LAMA3: variants seen among roughly 807,000 people sequenced by gnomAD.
LAMA3 encodes laminin subunit alpha 3, also known as laminin subunit alpha-3.
In LAMA3, 281 loss-of-function variants were observed where a neutral mutation model predicts 402.0. That is an observed-to-expected ratio of 0.70 (90% confidence interval 0.63 to 0.77). LAMA3 has a LOEUF of 0.77. Ranked by LOEUF, LAMA3 falls within the 30% of genes least tolerant of loss-of-function variation. The probability of loss-of-function intolerance (pLI) is 0.00; values close to 1 mark genes in which losing one functional copy is unlikely to be tolerated. For missense variants in LAMA3, 3,840 were observed against 4,215.5 expected (o/e 0.91, Z 2.47); for synonymous variants, 1,431 against 1,558.4 (o/e 0.92, Z 1.93).
rs140590091 is a variant in LAMA3 at position 23,689,881 on chromosome 18, C to T, written c.198C>T (p.Cys66=). 6.5e-7 allele frequency: 1 copy of T among 1,543,510 alleles called. No individual in the cohort carries two copies. The highest frequency in any genetic ancestry group is 1.4e-5 in the African/African-American group (1 of 71,698). ...EAARIWATAT[C]GERGPGEGRP... ...CGAGGATTTGGGCCACCGCCACCTG[C>T]GGGGAGAGGGGACCCGGCGAGGGGA... The change falls in exon 1 of 75, where the codon TGC becomes TGT. Residue 66 remains cysteine, a synonymous_variant. Coordinates refer to ENST00000313654, the MANE Select transcript of LAMA3 (RefSeq NM_198129.4).
In LAMA3 at chr18:23,921,028, G is replaced by A. The variant is rs202110840; in HGVS notation, c.8017G>A (p.Ala2673Thr). Residue 2673 changes from alanine (A) to threonine (T), a missense_variant, in exon 61 of 75, where the codon GCC becomes ACC. Coordinates refer to ENST00000313654, the MANE Select transcript of LAMA3 (RefSeq NM_198129.4). ...ACCAAAAGAGAGAGGAGTTGGAGAC[G>A]CCATAAACAACGGCAGAGACCATTC... The part of the protein sequence containing the change: ...ELPKERGVGD[A>T]INNGRDHSIQ... 3.7e-5 allele frequency: 59 copies of A among 1,613,996 alleles called. No individual in the cohort carries two copies. The highest frequency in any genetic ancestry group is 3.0e-4 in the Admixed American group (18 of 60,024).
At chr18:23,842,810 GTGTC>G (rs1157440630) in intron 29 of LAMA3, 60 bp downstream of exon 29, 19 of 1,603,448 alleles carry the variant, frequency 1.2e-5, no homozygotes, top group Admixed American at 1.7e-5. Flanking sequence ...GCCATTCTGG[GTGTC>G]TGTTTAGCTC....
rs773896979 is a variant in LAMA3, at chr18:23,753,830, AT to A, written c.947+25del. ...GAAAAACTGTAAGTACACTGTACAG[AT>A]TTTTTTCAGCCTTACTATGATTAAG... On this transcript the variant is annotated intron_variant, in intron 6 of 74. Coordinates refer to ENST00000313654, the MANE Select transcript of LAMA3 (RefSeq NM_198129.4). 5.2e-6 allele frequency: 8 copies of A among 1,544,254 alleles called. No homozygotes were observed. Among genetic ancestry groups the A allele is most frequent in the Admixed American group, 3.3e-5 (2 of 59,912 alleles).
intron 69 of LAMA3, 49 bp downstream of exon 69, chr18:23,944,020 G>A (rs1187796586): frequency 6.4e-7 from 1 of 1,570,240 alleles, no homozygotes; most frequent in Non-Finnish European, 8.7e-7. Flanking sequence ...GGAATTCACT[G>A]TTGGAGTCGC....
chr18:23,725,320 A>C (rs1031764491), intron 2 of LAMA3, among the ~76,000 whole-genome samples: 2 of 152,180 alleles, frequency 1.3e-5, no homozygotes, highest in South Asian at 4.1e-4. Flanking sequence ...CGTGTTGGTC[A>C]GGCTGGTCTT....
chr18:23,775,744 T>C, intron 9 of LAMA3, 48 bp from the exon 10 acceptor site: 2 of 1,611,486 alleles, frequency 1.2e-6, no homozygotes, highest in Non-Finnish European at 1.7e-6. Flanking sequence ...ATTTGCTTTG[T>C]TAAGTGCAGT....
Position 23,837,081 on chromosome 18 carries a change from T to A in LAMA3, c.3085T>A (p.Phe1029Ile). The A allele has an allele frequency of 6.2e-7, 1 of 1,604,176 alleles. No homozygotes were observed. The highest frequency in any genetic ancestry group is 8.5e-7 in the Non-Finnish European group (1 of 1,171,078). Residue 1029 changes from phenylalanine (F) to isoleucine (I), a missense_variant, in exon 25 of 75, where the codon TTC becomes ATC. Physicochemically the swap from Phe to Ile is conservative, Grantham distance 21. Around this residue, in one of 3 missense-constraint regions of LAMA3, gnomAD observed 2,109 missense variants for 2,376.0 expected, o/e 0.89. Transcript: ENST00000313654. ...DIQLKGHMAR[F>I]LLHQVCIIPI... ...TCAGCTCAAGGGACACATGGCCCGA[T>A]TCCTTCTGGTATGCTTCTGTTTTGC... is the stretch of plus-strand genomic sequence containing the variant.
Position 23,891,446 on chromosome 18 carries a change from T to C in LAMA3, c.5410+1329T>C, listed in dbSNP as rs1415951055. On this transcript the variant is annotated intron_variant, in intron 42 of 74. Transcript: ENST00000313654. ...AGATAAGTGGGTATCAGAGTAAAGT[T>C]TTTTCCGGCATCTGCTGGTCTCCAA... Among the ~76,000 whole-genome samples the C allele has an allele frequency of 2.6e-5, 4 of 152,290 alleles. No individual in the cohort carries two copies. The East Asian group carries it at 7.7e-4, about 29-fold the overall frequency.
In LAMA3 at chr18:23,903,083, G is replaced by A. The variant is rs1599048277; in HGVS notation, c.6276G>A (p.Leu2092=). ...TAACCACTGCAGACTCATCTTTGTTGCAAACCAACATTGCGCTGCAGCTGA... is the reference window on the plus strand; with the variant it reads ...TAACCACTGCAGACTCATCTTTGTTACAAACCAACATTGCGCTGCAGCTGA... ...KYLTTADSSL[L]QTNIALQLME... The change falls in exon 49 of 75, where the codon TTG becomes TTA. Residue 2092 remains leucine, a synonymous_variant. Transcript: ENST00000313654. 1 of 1,612,882 alleles carries A rather than the reference G, an allele frequency of 6.2e-7. No individual in the cohort carries two copies. Among genetic ancestry groups the A allele is most frequent in the Non-Finnish European group, 8.5e-7 (1 of 1,179,052 alleles).
At chr18:23,822,122 T>G in intron 19 of LAMA3, 130 bp from the exon 20 acceptor site, 1 of 897,018 alleles carries the variant, frequency 1.1e-6, no homozygotes. Flanking sequence ...TGAGTGTGAG[T>G]GTGTATGTGT....
At chr18:23,748,298 G>A (rs932987223) in intron 3 of LAMA3, among the ~76,000 whole-genome samples, 2 of 151,298 alleles carry the variant, frequency 1.3e-5, no homozygotes, top group Admixed American at 6.6e-5. Context: ...GCACATGCCT[G>A]TTATCCCAGC....
chr18:23,860,693 A>ATT (rs11395191), intron 34 of LAMA3, among the ~76,000 whole-genome samples: 5,364 of 136,668 alleles, frequency 0.039, 220 homozygotes, highest in African/African-American at 0.096. Flanking sequence ...TCAAAAAAAG[A>ATT]TTTTTTTTTT....
chr18:23,726,461 G>A (rs1256369822), intron 2 of LAMA3, among the ~76,000 whole-genome samples: 2 of 152,174 alleles, frequency 1.3e-5, no homozygotes, highest in Admixed American at 1.3e-4. Context: ...GCACTGCCAG[G>A]ATTGGGTGTC....
chr18:23,699,873 T>C (rs1177483557), intron 1 of LAMA3, among the ~76,000 whole-genome samples: 3 of 152,082 alleles, frequency 2.0e-5, no homozygotes, highest in Non-Finnish European at 4.4e-5. Context: ...GTTAGGGGAA[T>C]AGATTGATAA....
chr18:23,898,651 GA>G (rs760024438), intron 44 of LAMA3, 86 bp from the exon 45 acceptor site: 54 of 816,816 alleles, frequency 6.6e-5, no homozygotes, highest in Non-Finnish European at 1.1e-4. Context: ...CTTGCCAAAT[GA>G]TTCTTCATTT....
At chr18:23,876,515 T>C (rs2064720259) in intron 39 of LAMA3, 108 bp downstream of exon 39, 2 of 724,988 alleles carry the variant, frequency 2.8e-6, no homozygotes, top group Non-Finnish European at 2.5e-6. Context: ...AAACCCTAAA[T>C]AGAGGTCGCT....
chr18:23,947,807 A>G (rs1174323227), intron 70 of LAMA3, among the ~76,000 whole-genome samples: 1 of 131,150 alleles, frequency 7.6e-6, no homozygotes, highest in East Asian at 2.1e-4. Flanking sequence ...CTCTGTTCCT[A>G]TTTTCTTTTT....
In LAMA3 at chr18:23,689,975, C is replaced by A. The variant is rs1290726127; in HGVS notation, c.292C>A (p.Gln98Lys). 1.4e-6 allele frequency: 2 copies of A among 1,472,762 alleles called. No individual in the cohort carries two copies. Among genetic ancestry groups the A allele is most frequent in the East Asian group, 2.9e-5 (1 of 35,058 alleles). 91.2% of individuals were successfully genotyped at this position (1,472,762 alleles called of 1,614,324 possible). The change falls in exon 1 of 75, where the codon CAG (glutamine) becomes AAG (lysine). Residue 98 changes from glutamine to lysine, a missense_variant and splice_region_variant. By Grantham distance (53) the Gln-to-Lys change is moderately conservative (BLOSUM62 1). Around this residue, in one of 3 missense-constraint regions of LAMA3, gnomAD observed 2,109 missense variants for 2,376.0 expected, o/e 0.89. Coordinates refer to ENST00000313654, the MANE Select transcript of LAMA3 (RefSeq NM_198129.4). ...CGCCCCAGGCAGCGGCCACACCATC[C>A]AGGTGAGGGCCTCGGAGAGAGCCGG... ...PTAPGSGHTI[Q>K]GQFCDYCNSE... is the part of the protein sequence containing the mutation.
At chr18:23,952,873 T>C (rs1459854793) in intron 73 of LAMA3, 117 bp from the exon 74 acceptor site, 9 of 1,396,232 alleles carry the variant, frequency 6.4e-6, no homozygotes, top group Non-Finnish European at 9.1e-6. Context: ...GCTGACCAAA[T>C]TTCTGCAAAC....
Sources: gnomAD v4.1 joint callset for allele counts (sites outside exome capture counted in the v4.1 genomes callset) on GRCh38, gnomAD v4.1.1 for gene constraint, gnomAD v4.1.1 regional missense constraint, MANE v1.5 for transcripts, NCBI Gene and HGNC (gene_info 2026-07-23, HGNC 2026-07-21) for gene names.